Variants in UGT1A6 observed in about 807,000 individuals in gnomAD.
UGT1A6 encodes the protein UDP glucuronosyltransferase family 1 member A6.
Under a neutral mutation model 44.4 loss-of-function variants are expected in UGT1A6, and 32 were observed. The observed-to-expected ratio is 0.72, with a 90% confidence interval of 0.54 to 0.97. The LOEUF (loss-of-function observed/expected upper bound fraction) is 0.97. Among genes scored for constraint, UGT1A6 ranks in the 50% least tolerant of loss-of-function variants. The pLI is 0.00. For synonymous variants in UGT1A6, 238 were observed against 248.5 expected, an observed-to-expected ratio of 0.96 and a Z score of 0.40; for missense variants, 685 against 661.9, an observed-to-expected ratio of 1.03 and a Z score of -0.38.
intron 1 of UGT1A6, among the ~76,000 whole-genome samples, chr2:233,701,615 G>A (rs1575471744): frequency 6.6e-6 from 1 of 152,268 alleles, no homozygotes; most frequent in East Asian, 1.9e-4. Flanking sequence ...CTCAGCAAAC[G>A]TAAAAGAACA....
chr2:233,772,680 C>G lies in UGT1A6; in HGVS notation c.*121C>G. 6.5e-7 allele frequency: 1 copy of G among 1,530,096 alleles called. No individual in the cohort carries two copies. The highest frequency in any genetic ancestry group is 8.8e-7 in the Non-Finnish European group (1 of 1,141,550). 94.8% of individuals were successfully genotyped at this position (1,530,096 alleles called of 1,614,324 possible). Reference sequence around the variant, plus strand: ...AAGGAAATACTTTGCATAAATTAATCAGCCCCAGAGTGCTTTAAAAAATTC... The same window carrying G: ...AAGGAAATACTTTGCATAAATTAATGAGCCCCAGAGTGCTTTAAAAAATTC... On this transcript the variant is annotated 3_prime_UTR_variant, in exon 5 of 5. Transcript: ENST00000305139.
chr2:233,728,954 G>A (rs2077771414), intron 1 of UGT1A6, among the ~76,000 whole-genome samples: 1 of 150,840 alleles, frequency 6.6e-6, no homozygotes, highest in Admixed American at 6.6e-5. Flanking sequence ...GGGGCCCACA[G>A]TGAAAAACAG....
chr2:233,696,295 C>T (rs1346602258), intron 1 of UGT1A6, among the ~76,000 whole-genome samples: 7 of 152,172 alleles, frequency 4.6e-5, no homozygotes, highest in African/African-American at 1.2e-4. Flanking sequence ...ACTGTAATAT[C>T]GTGAAATATA....
intron 1 of UGT1A6, chr2:233,743,869 G>A (rs763783144): frequency 1.5e-5 from 21 of 1,367,022 alleles, no homozygotes; most frequent in Admixed American, 1.9e-5. Flanking sequence ...TGATGGCCTC[G>A]GATGAGGCCT....
At chr2:233,737,836 G>A (rs1690606098) in intron 1 of UGT1A6, among the ~76,000 whole-genome samples, 1 of 151,904 alleles carries the variant, frequency 6.6e-6, no homozygotes, top group African/African-American at 2.4e-5. Flanking sequence ...TGGGAACTGT[G>A]GCACAGGTCA....
intron 1 of UGT1A6, among the ~76,000 whole-genome samples, chr2:233,700,884 C>T (rs1424679595): frequency 6.6e-6 from 1 of 151,996 alleles, no homozygotes; most frequent in Admixed American, 6.6e-5. Flanking sequence ...CCCCCCACCC[C>T]ACAACAGTCC....
intron 1 of UGT1A6, chr2:233,755,386 C>T (rs879759511): frequency 8.4e-5 from 29 of 346,256 alleles, no homozygotes; most frequent in South Asian, 2.1e-4. Flanking sequence ...CCCCTTATGA[C>T]GCAGCCACAT....
rs4148324 is a variant in UGT1A6 at position 233,764,076 on chromosome 2, T to G, written c.862-2958T>G. ...GAAATGCATTTGGGAAGGGAAAATC[T>G]AATTAAAAGCCTAAACTAAAAATAC... On this transcript the variant is annotated intron_variant, in intron 1 of 4. Transcript: ENST00000305139. Among the ~76,000 whole-genome samples, 54,742 of 151,994 alleles carry G rather than the reference T, an allele frequency of 0.36. 10,244 individuals carry two copies. Among genetic ancestry groups the G allele is most frequent in the African/African-American group, 0.44 (18,411 of 41,456 alleles).
chr2:233,705,842 A>AAGTG lies in UGT1A6; in HGVS notation c.861+11978_861+11981dup, dbSNP rs2075874944. ...AGGCCGAGCACAGTGGCTGGAGCTG[A>AAGTG]AGTGGGAAGCTGAGGCAGGCAGATC... is the stretch of plus-strand genomic sequence containing the variant. On this transcript the variant is annotated intron_variant, in intron 1 of 4. Coordinates refer to ENST00000305139, the MANE Select transcript of UGT1A6 (RefSeq NM_001072.4). Among the ~76,000 whole-genome samples the AAGTG allele has an allele frequency of 2.6e-5, 4 of 152,238 alleles. No individual in the cohort carries two copies. In the South Asian group the frequency reaches 8.3e-4, roughly 32 times the overall value.
chr2:233,729,036 T>C, intron 1 of UGT1A6: 1 of 1,603,088 alleles, frequency 6.2e-7, no homozygotes, highest in African/African-American at 1.3e-5. Flanking sequence ...ATTTGCTAAG[T>C]GGCTCAGTGA....
intron 1 of UGT1A6, chr2:233,718,719 G>C: frequency 6.2e-7 from 1 of 1,609,316 alleles, no homozygotes; most frequent in Admixed American, 1.7e-5. Context: ...ATTACATGCT[G>C]ATTTGCTAGG....
At chr2:233,753,955 A>G (rs892608608) in intron 1 of UGT1A6, among the ~76,000 whole-genome samples, 11 of 152,214 alleles carry the variant, frequency 7.2e-5, no homozygotes, top group Non-Finnish European at 1.6e-4. Context: ...CCTCCAAAAT[A>G]TTAAGAGAAT....
intron 1 of UGT1A6, among the ~76,000 whole-genome samples, chr2:233,707,386 G>GCT (rs141377295): frequency 0.021 from 3,268 of 152,146 alleles, 114 homozygotes; most frequent in African/African-American, 0.075. Flanking sequence ...GCATCCATGA[G>GCT]CTATTCTTTT....
Position 233,757,535 on chromosome 2 carries a change from A to AATATATATACATATACATATAT in UGT1A6, c.862-9490_862-9489insCATATACATATATATATATATA, listed in dbSNP as rs376887521. Among the ~76,000 whole-genome samples, 172 of 87,958 alleles carry AATATATATACATATACATATAT rather than the reference A, an allele frequency of 2.0e-3. 2 individuals carry two copies. The highest frequency in any genetic ancestry group is 3.2e-3 in the South Asian group (6 of 1,904). The allele number at this position is 87,958 out of a possible 152,430, so 57.7% of individuals were successfully genotyped here. On this transcript the variant is annotated intron_variant, in intron 1 of 4. Coordinates refer to ENST00000305139, the MANE Select transcript of UGT1A6 (RefSeq NM_001072.4). ...CAAAGCCAAAATCTTGCCTGTAAGG[A>AATATATATACATATACATATAT]ATATATATATATATATATATATATA... is the stretch of plus-strand genomic sequence containing the variant.
At chr2:233,758,820 C>T (rs1028156613) in intron 1 of UGT1A6, among the ~76,000 whole-genome samples, 2 of 152,084 alleles carry the variant, frequency 1.3e-5, no homozygotes, top group African/African-American at 4.8e-5. Context: ...GCAGTATATC[C>T]CCCCCAAAAA....
chr2:233,741,879 A>G (rs775156771), intron 1 of UGT1A6: 10 of 151,838 alleles, frequency 6.6e-5, no homozygotes, highest in Non-Finnish European at 1.2e-4. Context: ...CTCAGAGGTG[A>G]CCCTAGAAGA....
chr2:233,743,638 G>C (rs767583424), intron 1 of UGT1A6: 1 of 1,367,318 alleles, frequency 7.3e-7, no homozygotes, highest in East Asian at 4.5e-5. Context: ...CTGGGTCGCG[G>C]AAGCTGAAGA....
chr2:233,747,399 C>G, intron 1 of UGT1A6: 4 of 1,606,666 alleles, frequency 2.5e-6, no homozygotes, highest in Non-Finnish European at 3.4e-6. Context: ...GGTCCTCACC[C>G]CAGAGGTGAA....
At chr2:233,755,100 G>C (rs920872791) in intron 1 of UGT1A6, 1 of 1,335,078 alleles carries the variant, frequency 7.5e-7, no homozygotes, top group Non-Finnish European at 1.0e-6. Flanking sequence ...CTACGCGTCC[G>C]ACAACACCTC....
Sources: allele counts gnomAD v4.1 joint callset (sites outside exome capture counted in the v4.1 genomes callset), GRCh38; gene constraint gnomAD v4.1.1; transcripts MANE v1.5; gene names NCBI Gene and HGNC (gene_info 2026-07-23, HGNC 2026-07-21).